Variants in EEF1AKMT1 observed in about 807,000 individuals in gnomAD.
EEF1AKMT1 encodes the protein N-6 adenine-specific DNA methyltransferase 2 (putative).
Under a neutral mutation model 21.0 loss-of-function variants are expected in EEF1AKMT1, and 18 were observed. The ratio of observed to expected loss-of-function variants is 0.86; its 90% CI spans 0.59 to 1.27. EEF1AKMT1 has a LOEUF of 1.27. Among genes scored for constraint, EEF1AKMT1 ranks in the 50% most tolerant of loss-of-function variants. The pLI, the probability that EEF1AKMT1 is intolerant of heterozygous loss-of-function variation, is 0.00. For missense variants in EEF1AKMT1, 246 were observed against 258.6 expected, an observed-to-expected ratio of 0.95 and a Z score of 0.33; for synonymous variants, 109 against 94.8, an observed-to-expected ratio of 1.15 and a Z score of -0.87.
Position 20,757,587 on chromosome 13 carries a change from C to T in EEF1AKMT1, c.12G>A (p.Leu4=). The T allele has an allele frequency of 1.9e-6, 3 of 1,613,830 alleles. No individual in the cohort carries two copies. Among genetic ancestry groups the T allele is most frequent in the Non-Finnish European group, 2.5e-6 (3 of 1,179,778 alleles). Residue 4 remains leucine (L), a synonymous_variant, in exon 2 of 5, where the codon TTG becomes TTA. Coordinates refer to ENST00000382758, the MANE Select transcript of EEF1AKMT1 (RefSeq NM_001318939.2). The part of the protein sequence containing the change: MSD[L]EDDETPQLSA... ...AAAGCTGGGGTGTCTCATCATCTTC[C>T]AAATCACTCATTTCACAAGTTGTTT...
Position 20,729,100 on chromosome 13 carries a change from C to A in EEF1AKMT1, c.625G>T (p.Gly209Trp). Residue 209 changes from glycine to tryptophan, a missense_variant, in exon 5 of 5, where the codon GGG becomes TGG. Gly to Trp is a radical substitution (Grantham distance 184). Transcript: ENST00000382758. ...TGTAATCAGATCCCACAGTCCAGCC[C>A]AGAATCATAATTCACATAACAGCGA... ...EFRCYVNYDSGLDCGI is the reference protein window; with the variant it reads ...EFRCYVNYDSWLDCGI 6.2e-7 allele frequency: 1 copy of A among 1,614,208 alleles called. No homozygotes were observed. Among genetic ancestry groups the A allele is most frequent in the African/African-American group, 1.3e-5 (1 of 75,056 alleles).
At chr13:20,746,634 C>T (rs936349382) in intron 2 of EEF1AKMT1, among the ~76,000 whole-genome samples, 11 of 152,206 alleles carry the variant, frequency 7.2e-5, no homozygotes, top group African/African-American at 2.7e-4. Flanking sequence ...TGCTGGTTTA[C>T]TACTGAACTG....
chr13:20,741,395 T>G (rs1595016998), intron 2 of EEF1AKMT1, among the ~76,000 whole-genome samples: 1 of 152,204 alleles, frequency 6.6e-6, no homozygotes, highest in East Asian at 1.9e-4. Context: ...TTCCAGAAAT[T>G]TACTGAAATT....
intron 1 of EEF1AKMT1, among the ~76,000 whole-genome samples, chr13:20,759,103 T>C (rs1286083345): frequency 6.6e-6 from 1 of 152,176 alleles, no homozygotes; most frequent in Non-Finnish European, 1.5e-5. Context: ...CTTTGGACAT[T>C]GGCTTAGGCA....
chr13:20,738,565 G>T (rs954473737), intron 2 of EEF1AKMT1, among the ~76,000 whole-genome samples: 4 of 152,144 alleles, frequency 2.6e-5, no homozygotes, highest in African/African-American at 9.7e-5. Context: ...TTAAAAATCT[G>T]CCCTGTGTGG....
intron 3 of EEF1AKMT1, among the ~76,000 whole-genome samples, chr13:20,734,686 C>A (rs890387559): frequency 6.6e-6 from 1 of 151,876 alleles, no homozygotes; most frequent in African/African-American, 2.4e-5. Context: ...CTCCGCCTCC[C>A]GGGTTCACGC....
chr13:20,757,625 T>C lies in EEF1AKMT1; in HGVS notation c.-19-8A>G. 2.5e-6 allele frequency: 4 copies of C among 1,604,994 alleles called. No individual in the cohort carries two copies. Among genetic ancestry groups the C allele is most frequent in the Non-Finnish European group, 3.4e-6 (4 of 1,173,632 alleles). On this transcript the variant is annotated splice_polypyrimidine_tract_variant and splice_region_variant and intron_variant, in intron 1 of 4. Transcript: ENST00000382758. The stretch of plus-strand genomic sequence containing the variant: ...TCACAAGTTGTTTATAACCTGCAGA[T>C]CAAGAAATAAATGTTCTGTGCAGAT...
chr13:20,761,656 T>C (rs2059002048), intron 1 of EEF1AKMT1, among the ~76,000 whole-genome samples: 2 of 143,482 alleles, frequency 1.4e-5, no homozygotes, highest in Admixed American at 1.5e-4. Flanking sequence ...TGATACATTA[T>C]AAGAGGGTTT....
rs1030935253 is a variant in EEF1AKMT1 at position 20,761,274 on chromosome 13, G to T, written c.-19-3657C>A. ...CCTCAATCTCCATTCTTAACCCCTG[G>T]AAAGCATTTGTTCTCCGTTTCAATA... On this transcript the variant is annotated intron_variant, in intron 1 of 4. Transcript: ENST00000382758. Among the ~76,000 whole-genome samples, 4 of 152,122 alleles carry T rather than the reference G, an allele frequency of 2.6e-5. No individual in the cohort carries two copies. The South Asian group carries it at 6.2e-4, about 24-fold the overall frequency.
intron 2 of EEF1AKMT1, among the ~76,000 whole-genome samples, chr13:20,748,548 C>A (rs1296770541): frequency 6.6e-6 from 1 of 151,962 alleles, no homozygotes; most frequent in African/African-American, 2.4e-5. Context: ...ATTTTCAATT[C>A]TTGGCTCTTT....
chr13:20,737,779 C>A lies in EEF1AKMT1; in HGVS notation c.171G>T (p.Gln57His). 1 of 1,612,876 alleles carries A rather than the reference C, an allele frequency of 6.2e-7. No homozygotes were observed. The highest frequency in any genetic ancestry group is 2.2e-5 in the East Asian group (1 of 44,858). ...CCTGTGCCAGCTGCAGAGCAGTTTC[C>A]TGACTATACCAAAACTGGCTCAGTT... is the stretch of plus-strand genomic sequence containing the variant. ...NWQLSQFWYS[Q>H]ETALQLAQEA... Residue 57 changes from glutamine to histidine, a missense_variant, in exon 3 of 5, where the codon CAG becomes CAT. By Grantham distance (24) the Gln-to-His change is conservative. Coordinates refer to ENST00000382758, the MANE Select transcript of EEF1AKMT1 (RefSeq NM_001318939.2).
Position 20,742,942 on chromosome 13 carries a change from TATC to T in EEF1AKMT1, c.145-5140_145-5138del, listed in dbSNP as rs1595017955. Among the ~76,000 whole-genome samples the T allele has an allele frequency of 5.9e-5, 9 of 152,376 alleles. No individual in the cohort carries two copies. The East Asian group carries it at 1.7e-3, about 29-fold the overall frequency. On this transcript the variant is annotated intron_variant, in intron 2 of 4. Coordinates refer to ENST00000382758, the MANE Select transcript of EEF1AKMT1 (RefSeq NM_001318939.2). ...TCTTGTCTCTTAAACTTGTTTATGGTATCTTCTGTTATCAATACGTTTATTTTG... is the reference window on the plus strand; with the variant it reads ...TCTTGTCTCTTAAACTTGTTTATGGTTTCTGTTATCAATACGTTTATTTTG...
intron 1 of EEF1AKMT1, among the ~76,000 whole-genome samples, chr13:20,760,095 ACT>A (rs1295978532): frequency 9.7e-6 from 1 of 102,776 alleles, no homozygotes; most frequent in Non-Finnish European, 1.8e-5. Context: ...ACAGAGCGAG[ACT>A]CTGTCTCAAA....
In EEF1AKMT1 at chr13:20,757,523, C is replaced by T. The variant is rs200797610; in HGVS notation, c.76G>A (p.Glu26Lys). ...ALAALQEFYA[E>K]QKQQIEPGED... Reference sequence around the variant, plus strand: ...CCTGGCTCAATTTGTTGCTTTTGCTCAGCATAAAATTCCTGGAGAGCTGCT... The same window carrying T: ...CCTGGCTCAATTTGTTGCTTTTGCTTAGCATAAAATTCCTGGAGAGCTGCT... The change falls in exon 2 of 5, where the codon GAG becomes AAG. Residue 26 changes from glutamate (E) to lysine (K), a missense_variant. By Grantham distance (56) the Glu-to-Lys change is moderately conservative (BLOSUM62 1). Transcript: ENST00000382758. The T allele has an allele frequency of 5.8e-5, 93 of 1,614,110 alleles. 1 individual carries two copies. The South Asian group carries it at 9.3e-4, about 16-fold the overall frequency.
intron 1 of EEF1AKMT1, among the ~76,000 whole-genome samples, chr13:20,764,653 T>A (rs1297978856): frequency 6.6e-6 from 1 of 152,188 alleles, no homozygotes. Context: ...TCTATCAGTT[T>A]TTATTTCATG....
chr13:20,753,517 T>G (rs756100999), intron 2 of EEF1AKMT1, among the ~76,000 whole-genome samples: 2 of 152,186 alleles, frequency 1.3e-5, no homozygotes, highest in Admixed American at 6.5e-5. Context: ...CTATCTAATG[T>G]TGGAGTATCC....
intron 2 of EEF1AKMT1, among the ~76,000 whole-genome samples, chr13:20,751,507 A>C (rs1158587016): frequency 6.6e-6 from 1 of 152,088 alleles, no homozygotes; most frequent in East Asian, 1.9e-4. Context: ...ATTCTGTTCC[A>C]TTGGTCTATG....
intron 2 of EEF1AKMT1, chr13:20,747,952 G>A (rs544843037): frequency 5.3e-5 from 12 of 226,880 alleles, no homozygotes; most frequent in South Asian, 2.5e-4. Context: ...AGCTATGTAC[G>A]TCTCAAATTC....
At chr13:20,748,687 C>CT (rs1351716884) in intron 2 of EEF1AKMT1, among the ~76,000 whole-genome samples, 1 of 144,982 alleles carries the variant, frequency 6.9e-6, no homozygotes, top group Non-Finnish European at 1.5e-5. Context: ...CATCATTTGC[C>CT]TTTTCTTCAC....
Sources: gnomAD v4.1 joint callset for allele counts (sites outside exome capture counted in the v4.1 genomes callset) on GRCh38, gnomAD v4.1.1 for gene constraint, MANE v1.5 for transcripts, NCBI Gene and HGNC (gene_info 2026-07-23, HGNC 2026-07-21) for gene names.